The following SLC38A6 variants were observed in gnomAD, a reference collection of about 807,000 sequenced individuals.
SLC38A6 encodes the protein solute carrier family 38 member 6.
SLC38A6 carries 73 observed loss-of-function variants against 65.0 expected under a neutral mutation model. The observed-to-expected ratio is 1.12, with a 90% CI of 0.93 to 1.37. The LOEUF is 1.37. Among genes scored for constraint, SLC38A6 ranks in the 40% most tolerant of loss-of-function variants. The pLI is 0.00. For synonymous variants in SLC38A6, 183 were observed against 178.8 expected, an observed-to-expected ratio of 1.02 and a Z score of -0.19; for missense variants, 561 against 531.1, an observed-to-expected ratio of 1.06 and a Z score of -0.55.
chr14:61,000,640 A>T (rs1316265349), intron 3 of SLC38A6, among the ~76,000 whole-genome samples: 11 of 151,836 alleles, frequency 7.2e-5, no homozygotes, highest in Admixed American at 7.2e-4. Flanking sequence ...TTCCAAGGGA[A>T]AAAAAAAATT....
intron 3 of SLC38A6, among the ~76,000 whole-genome samples, chr14:60,988,019 C>T (rs1284373515): frequency 1.3e-5 from 2 of 152,206 alleles, no homozygotes; most frequent in East Asian, 3.8e-4. Context: ...TTCCACTGCT[C>T]TCTAACTCCT....
chr14:60,987,856 T>TCA (rs2037568851), intron 3 of SLC38A6, among the ~76,000 whole-genome samples: 1 of 152,386 alleles, frequency 6.6e-6, no homozygotes, highest in Admixed American at 6.5e-5. Context: ...TCCCTACTAC[T>TCA]CACTGGATTG....
Position 61,036,974 on chromosome 14 carries a change from G to A in SLC38A6, c.483-85G>A, listed in dbSNP as rs1049152213. On this transcript the variant is annotated intron_variant, in intron 6 of 15. Transcript: ENST00000267488. ...TGGTTATAACTCTGTGTGTGTGTGT[G>A]TGTGTGTGTGTGTGTGTGTGTGTGT... 106 of 670,046 alleles carry A rather than the reference G, an allele frequency of 1.6e-4. No individual in the cohort carries two copies. The African/African-American group carries it at 1.8e-3, about 12-fold the overall frequency. 41.5% of individuals were successfully genotyped at this position (670,046 alleles called of 1,614,324 possible).
In SLC38A6 at chr14:61,065,870, A is replaced by G. The variant is rs900070624; in HGVS notation, c.1291-12940A>G. Reference sequence around the variant, plus strand: ...GTTACTGGGTAATCTGTGGGTAGCTAGGTGTGGAGAGTACTTCCACTCTGG... The same window carrying G: ...GTTACTGGGTAATCTGTGGGTAGCTGGGTGTGGAGAGTACTTCCACTCTGG... On this transcript the variant is annotated intron_variant, in intron 15 of 16. Transcript: ENST00000354886. Among the ~76,000 whole-genome samples, 13 of 152,182 alleles carry G rather than the reference A, an allele frequency of 8.5e-5. 1 individual carries two copies. Among genetic ancestry groups the G allele is most frequent in the Admixed American group, 4.6e-4 (7 of 15,278 alleles).
chr14:61,014,612 C>G (rs1478806973), intron 3 of SLC38A6, among the ~76,000 whole-genome samples: 1 of 152,152 alleles, frequency 6.6e-6, no homozygotes, highest in African/African-American at 2.4e-5. Context: ...AGTTAGGACC[C>G]TCAGCTGCAG....
At chr14:61,010,004 T>C (rs1368019195) in intron 3 of SLC38A6, among the ~76,000 whole-genome samples, 4 of 152,214 alleles carry the variant, frequency 2.6e-5, no homozygotes, top group Non-Finnish European at 5.9e-5. Context: ...ACCAACAGTG[T>C]AAAAGTGTTC....
intron 12 of SLC38A6, among the ~76,000 whole-genome samples, chr14:61,049,493 C>G (rs1286289242): frequency 6.6e-6 from 1 of 152,138 alleles, no homozygotes; most frequent in African/African-American, 2.4e-5. Flanking sequence ...GATGTAGGAA[C>G]TGAGAGACTC....
At chr14:60,986,333 C>A (rs1386630274) in intron 3 of SLC38A6, among the ~76,000 whole-genome samples, 2 of 152,210 alleles carry the variant, frequency 1.3e-5, no homozygotes, top group Non-Finnish European at 2.9e-5. Flanking sequence ...ATGTTTTTAA[C>A]AAGGCAAAAC....
intron 3 of SLC38A6, among the ~76,000 whole-genome samples, chr14:60,997,977 A>G (rs1002683696): frequency 6.6e-6 from 1 of 152,100 alleles, no homozygotes; most frequent in African/African-American, 2.4e-5. Context: ...TTGTCTACTA[A>G]TAAGAAAGAG....
chr14:61,017,921 T>C (rs983497034), intron 4 of SLC38A6, among the ~76,000 whole-genome samples: 6 of 152,208 alleles, frequency 3.9e-5, no homozygotes, highest in South Asian at 4.1e-4. Context: ...AGTTATAATA[T>C]GGGATAATAT....
At chr14:61,028,573 A>C (rs4643229) in intron 5 of SLC38A6, among the ~76,000 whole-genome samples, 6,666 of 152,206 alleles carry the variant, frequency 0.044, 224 homozygotes, top group African/African-American at 0.092. Flanking sequence ...TCCTTACGAG[A>C]ATATGAACAA....
At position 61,052,130 on chromosome 14, in the gene SLC38A6, C is replaced by G; in HGVS notation, c.1285C>G (p.Leu429Val). ...AGAGGATTTTCTGTCATGGAAAAAG[C>G]TTGGGGTAGGTTGTTTTTGTTTCTT... The part of the protein sequence containing the change: ...SREDFLSWKK[L>V]GAFVLLIFGI... The change falls in exon 15 of 16, where the codon CTT becomes GTT. Residue 429 changes from leucine (L) to valine (V), a missense_variant. Leu to Val is a conservative substitution (Grantham distance 32). Coordinates refer to ENST00000267488, the MANE Select transcript of SLC38A6 (RefSeq NM_153811.3). The G allele has an allele frequency of 6.4e-7, 1 of 1,557,066 alleles. No individual in the cohort carries two copies. Among genetic ancestry groups the G allele is most frequent in the Non-Finnish European group, 8.6e-7 (1 of 1,162,812 alleles).
intron 16 of SLC38A6, among the ~76,000 whole-genome samples, chr14:61,083,290 A>T (rs927081466): frequency 9.9e-5 from 15 of 152,026 alleles, no homozygotes; most frequent in Non-Finnish European, 2.2e-4. Flanking sequence ...GGCCCTCCCC[A>T]TGTGTAGCCA....
Position 60,982,599 on chromosome 14 carries a change from T to G in SLC38A6, c.197T>G (p.Leu66Ter). The G allele has an allele frequency of 6.2e-7, 1 of 1,613,990 alleles. No individual in the cohort carries two copies. Among genetic ancestry groups the G allele is most frequent in the Non-Finnish European group, 8.5e-7 (1 of 1,180,010 alleles). ...NAIMGSGILG[L>*]AYVLANTGVF... ...ATCATGGGAAGTGGCATCCTTGGCT[T>G]AGCTTATGTTTTGGCTAATACCGGT... is the stretch of plus-strand genomic sequence containing the variant. Residue 66 changes from leucine to a stop codon, truncating the protein, a stop_gained, in exon 2 of 16, where the codon TTA becomes TGA. Coordinates refer to ENST00000267488, the MANE Select transcript of SLC38A6 (RefSeq NM_153811.3). LOFTEE classifies it high-confidence loss of function.
intron 4 of SLC38A6, among the ~76,000 whole-genome samples, chr14:61,017,698 G>C (rs1327354737): frequency 6.6e-6 from 1 of 152,194 alleles, no homozygotes; most frequent in Non-Finnish European, 1.5e-5. Context: ...AGTTTAAAGA[G>C]TAGGGACTGC....
rs561403687 is a variant in SLC38A6 at position 61,070,247 on chromosome 14, A to C, written c.1291-8563A>C. Among the ~76,000 whole-genome samples, 769 of 152,312 alleles carry C rather than the reference A, an allele frequency of 5.0e-3. 12 individuals carry two copies. The highest frequency in any genetic ancestry group is 0.017 in the African/African-American group (720 of 41,570). On this transcript the variant is annotated intron_variant, in intron 15 of 16. Transcript: ENST00000354886. Reference sequence around the variant, plus strand: ...TGCAGTCCCTGGCAACTGCCATTTTACTTTTTGCTTCTATGAGTTTGACTG... The same window carrying C: ...TGCAGTCCCTGGCAACTGCCATTTTCCTTTTTGCTTCTATGAGTTTGACTG...
chr14:61,013,227 C>T lies in SLC38A6; in HGVS notation c.311-2677C>T, dbSNP rs181306298. Among the ~76,000 whole-genome samples the T allele has an allele frequency of 3.9e-3, 595 of 151,638 alleles. 1 individual carries two copies. The highest frequency in any genetic ancestry group is 0.031 in the Middle Eastern group (9 of 292). On this transcript the variant is annotated intron_variant, in intron 3 of 15. Coordinates refer to ENST00000267488, the MANE Select transcript of SLC38A6 (RefSeq NM_153811.3). ...GCAACCCCTGCCTTTTTTTGTTTTC[C>T]GTTTGCTTGGTAGATCTTCCTCCAT...
intron 15 of SLC38A6, among the ~76,000 whole-genome samples, chr14:61,065,167 A>G (rs1209798608): frequency 1.3e-5 from 2 of 152,162 alleles, no homozygotes; most frequent in African/African-American, 2.4e-5. Flanking sequence ...GAAATTCAAT[A>G]CAATCTAGGT....
At chr14:61,072,125 G>A (rs2043248566) in intron 15 of SLC38A6, among the ~76,000 whole-genome samples, 1 of 152,152 alleles carries the variant, frequency 6.6e-6, no homozygotes, top group Admixed American at 6.5e-5. Context: ...GATGGCCTTT[G>A]AATGTTCCAC....
Sources: gnomAD v4.1 joint callset for allele counts (sites outside exome capture counted in the v4.1 genomes callset) on GRCh38, gnomAD v4.1.1 for gene constraint, MANE v1.5 for transcripts, NCBI Gene and HGNC (gene_info 2026-07-23, HGNC 2026-07-21) for gene names.